The following CEP112 variants were observed in gnomAD, a reference collection of about 807,000 sequenced individuals.
CEP112 encodes the protein centrosomal protein 112.
A neutral mutation model predicts 153.0 loss-of-function variants in CEP112; 127 were observed. That is an observed-to-expected ratio of 0.83 (90% confidence interval 0.72 to 0.96). The LOEUF (loss-of-function observed/expected upper bound fraction) is 0.96, where lower values mean the gene tolerates loss of function less well. Among genes scored for constraint, CEP112 ranks in the 40% least tolerant of loss-of-function variants. The pLI is 0.00. For synonymous variants in CEP112, 358 were observed against 374.4 expected, an observed-to-expected ratio of 0.96 and a Z score of 0.51; for missense variants, 1,089 against 1,101.2, an observed-to-expected ratio of 0.99 and a Z score of 0.16.
At chr17:66,148,213 G>T (rs1395652556) in intron 4 of CEP112, among the ~76,000 whole-genome samples, 1 of 152,252 alleles carries the variant, frequency 6.6e-6, no homozygotes, top group Admixed American at 6.5e-5. Context: ...AAAACCATCA[G>T]ATCTAGTGAG....
At chr17:65,795,997 G>A (rs771690468) in intron 21 of CEP112, among the ~76,000 whole-genome samples, 5 of 152,004 alleles carry the variant, frequency 3.3e-5, no homozygotes, top group African/African-American at 7.2e-5. Flanking sequence ...CTGGCCACAC[G>A]GGGTCTGCCC....
chr17:65,914,013 G>T, intron 19 of CEP112: 1 of 317,820 alleles, frequency 3.1e-6, no homozygotes, highest in Non-Finnish European at 4.6e-6. Context: ...GAAGAAGCCA[G>T]ATAGTCAAAT....
At chr17:66,141,105 C>T (rs1235386973) in intron 4 of CEP112, among the ~76,000 whole-genome samples, 1 of 151,880 alleles carries the variant, frequency 6.6e-6, no homozygotes, top group East Asian at 1.9e-4. Context: ...CTTACACTTC[C>T]ATTTGTTATA....
chr17:66,150,963 C>T (rs561093965), intron 4 of CEP112, among the ~76,000 whole-genome samples: 8 of 152,140 alleles, frequency 5.3e-5, no homozygotes, highest in Admixed American at 5.2e-4. Context: ...ATAATTTTTC[C>T]TTGTTGTGAA....
intron 19 of CEP112, among the ~76,000 whole-genome samples, chr17:65,910,940 C>T (rs956402586): frequency 6.6e-6 from 1 of 152,164 alleles, no homozygotes; most frequent in East Asian, 1.9e-4. Context: ...GGATAAATTT[C>T]AAGCAAGAGA....
intron 6 of CEP112, among the ~76,000 whole-genome samples, chr17:66,104,071 A>G (rs940213089): frequency 1.3e-5 from 2 of 152,176 alleles, no homozygotes; most frequent in Admixed American, 1.3e-4. Context: ...AAGGACTGCA[A>G]GTCCTAGGCA....
intron 16 of CEP112, among the ~76,000 whole-genome samples, chr17:66,024,114 A>G (rs1384084809): frequency 6.6e-6 from 1 of 152,142 alleles, no homozygotes; most frequent in South Asian, 2.1e-4. Flanking sequence ...GTTAAAACTG[A>G]CCGCACCCTA....
chr17:66,150,969 G>A (rs1038951678), intron 4 of CEP112, among the ~76,000 whole-genome samples: 1 of 151,894 alleles, frequency 6.6e-6, no homozygotes, highest in East Asian at 1.9e-4. Context: ...TTTCCTTGTT[G>A]TGAAAGTCTA....
At chr17:66,132,558 C>A in intron 5 of CEP112, 112 bp downstream of exon 5, 1 of 778,688 alleles carries the variant, frequency 1.3e-6, no homozygotes, top group Non-Finnish European at 2.2e-6. Context: ...AATCATCCAA[C>A]TTTATTCTGT....
At chr17:66,030,193 A>G (rs7223159) in intron 12 of CEP112, among the ~76,000 whole-genome samples, 170 bp from the exon 13 acceptor site, 78,312 of 152,076 alleles carry the variant, frequency 0.51, 21,091 homozygotes, top group African/African-American at 0.59. Flanking sequence ...GTCTTTAAAA[A>G]AACAATGCAT....
chr17:65,690,008 G>A (rs148597854), intron 23 of CEP112, among the ~76,000 whole-genome samples: 174 of 150,538 alleles, frequency 1.2e-3, no homozygotes, highest in African/African-American at 2.9e-3. Flanking sequence ...CAGCAAAGGT[G>A]CCAAATTCAC....
At chr17:66,104,988 A>T (rs1248684144) in intron 6 of CEP112, among the ~76,000 whole-genome samples, 1 of 152,226 alleles carries the variant, frequency 6.6e-6, no homozygotes, top group Non-Finnish European at 1.5e-5. Flanking sequence ...TAAAGTAAGT[A>T]TATTACTATT....
intron 17 of CEP112, among the ~76,000 whole-genome samples, chr17:65,981,189 C>T (rs369017871): frequency 6.6e-6 from 1 of 152,126 alleles, no homozygotes; most frequent in South Asian, 2.1e-4. Flanking sequence ...TTCTAACTTC[C>T]TGGGTAATTT....
At chr17:65,637,101 A>G in intron 26 of CEP112, 23 bp downstream of exon 26, 1 of 1,592,780 alleles carries the variant, frequency 6.3e-7, no homozygotes, top group Non-Finnish European at 8.6e-7. Flanking sequence ...TCAGGAGACA[A>G]GACACCTGCT....
chr17:65,666,228 A>G (rs534011840), intron 24 of CEP112, among the ~76,000 whole-genome samples: 22 of 152,260 alleles, frequency 1.4e-4, no homozygotes, highest in Non-Finnish European at 2.6e-4. Context: ...AACAACAATA[A>G]TAAAACACAC....
chr17:66,181,427 G>A (rs188950011), intron 2 of CEP112, among the ~76,000 whole-genome samples: 1 of 152,020 alleles, frequency 6.6e-6, no homozygotes, highest in East Asian at 1.9e-4. Flanking sequence ...CTCACTGCAA[G>A]CTCTGCCTCC....
intron 12 of CEP112, among the ~76,000 whole-genome samples, chr17:66,040,366 T>C (rs2065916182): frequency 6.6e-6 from 1 of 152,192 alleles, no homozygotes; most frequent in African/African-American, 2.4e-5. Flanking sequence ...CCTATTCAAA[T>C]ACATTGCTCT....
At chr17:65,995,646 T>C (rs2063757313) in intron 17 of CEP112, among the ~76,000 whole-genome samples, 1 of 152,178 alleles carries the variant, frequency 6.6e-6, no homozygotes, top group African/African-American at 2.4e-5. Flanking sequence ...CAGCAACATC[T>C]AAAAACAATT....
At chr17:65,898,528 C>T (rs1253096979) in intron 20 of CEP112, among the ~76,000 whole-genome samples, 2 of 152,104 alleles carry the variant, frequency 1.3e-5, no homozygotes, top group African/African-American at 4.8e-5. Flanking sequence ...ATGTGAATCA[C>T]TATGGCAAAA....
Sources: allele counts gnomAD v4.1 joint callset (sites outside exome capture counted in the v4.1 genomes callset), GRCh38; gene constraint gnomAD v4.1.1; transcripts MANE v1.5; gene names NCBI Gene and HGNC (gene_info 2026-07-23, HGNC 2026-07-21).